The following TIAM1 variants were observed in gnomAD, a reference collection of about 807,000 sequenced individuals.
TIAM1 encodes rho guanine nucleotide exchange factor TIAM1.
In TIAM1, 65 loss-of-function variants were observed where a neutral mutation model predicts 163.5. The ratio of observed to expected loss-of-function variants is 0.40; its 90% CI spans 0.33 to 0.49. The LOEUF is 0.49. Among genes scored for constraint, TIAM1 ranks in the 20% least tolerant of loss-of-function variants. The pLI is 0.77. For missense variants in TIAM1, 1,789 were observed against 2,044.7 expected, an observed-to-expected ratio of 0.87 and a Z score of 2.41; for synonymous variants, 833 against 810.1, an observed-to-expected ratio of 1.03 and a Z score of -0.48.
chr21:31,119,141 T>G lies in TIAM1; in HGVS notation c.*1227A>C, dbSNP rs2146188473. ...AAAAAAAATTGAAAGTGCTATAACT[T>G]GTTTTTCTTCTTAGTATTTGGATAT... On this transcript the variant is annotated 3_prime_UTR_variant, in exon 28 of 28. Transcript: ENST00000541036. 1 of 153,280 alleles carries G rather than the reference T, an allele frequency of 6.5e-6. No homozygotes were observed. The highest frequency in any genetic ancestry group is 1.9e-4 in the East Asian group (1 of 5,180). The allele number at this position is 153,280 out of a possible 1,614,324, so 9.5% of individuals were successfully genotyped here. A position where few individuals can be genotyped will look rare whatever the true frequency, so the allele number is the denominator to read the frequency against.
chr21:31,214,332 AC>A (rs1338844164), intron 9 of TIAM1, among the ~76,000 whole-genome samples: 1 of 152,096 alleles, frequency 6.6e-6, no homozygotes, highest in Non-Finnish European at 1.5e-5. Context: ...CTCAAAAAAA[AC>A]AAAAAAATAA....
intron 2 of TIAM1, among the ~76,000 whole-genome samples, chr21:31,337,518 GTTATTATTATTATTATTA>G (rs55760697): frequency 1.4e-5 from 2 of 147,258 alleles, no homozygotes; most frequent in Admixed American, 6.7e-5. Context: ...TATTATTGTT[GTTATTATTATTATTATTA>G]TTATTATTAT....
At chr21:31,189,566 C>A (rs55808813) in intron 13 of TIAM1, among the ~76,000 whole-genome samples, 24 of 152,106 alleles carry the variant, frequency 1.6e-4, no homozygotes, top group Non-Finnish European at 3.4e-4. Flanking sequence ...TAAGTTCCTT[C>A]TTTGAAGATC....
intron 2 of TIAM1, among the ~76,000 whole-genome samples, chr21:31,328,583 T>C (rs1569227432): frequency 6.6e-6 from 1 of 151,972 alleles, no homozygotes; most frequent in Non-Finnish European, 1.5e-5. Flanking sequence ...GGGATACATG[T>C]GCAGAACGTG....
chr21:31,263,635 G>C (rs2072600928), intron 4 of TIAM1, among the ~76,000 whole-genome samples: 1 of 152,188 alleles, frequency 6.6e-6, no homozygotes, highest in Middle Eastern at 3.4e-3. Context: ...GTATAGGGGA[G>C]AGCCATCCCT....
At chr21:31,521,455 A>T (rs1211526255) in intron 1 of TIAM1, among the ~76,000 whole-genome samples, 1 of 152,154 alleles carries the variant, frequency 6.6e-6, no homozygotes, top group African/African-American at 2.4e-5. Flanking sequence ...GAGTCTCTTA[A>T]AAAGTTAAAA....
intron 16 of TIAM1, among the ~76,000 whole-genome samples, chr21:31,154,690 C>A (rs1325935723): frequency 1.3e-5 from 2 of 152,150 alleles, no homozygotes; most frequent in Non-Finnish European, 2.9e-5. Context: ...ACGGTAAGGA[C>A]AACGGAAGCC....
rs187697347 is a variant in TIAM1 at position 31,461,797 on chromosome 21, C to T, written c.-369+2186G>A. Among the ~76,000 whole-genome samples the T allele has an allele frequency of 7.9e-5, 12 of 152,268 alleles. No individual in the cohort carries two copies. In the East Asian group the frequency reaches 2.3e-3, roughly 29 times the overall value. ...TTTCCCACCTCAGCCTCCCGGCCAG[C>T]TGGGACCACAGGCATGCGCTACTAT... On this transcript the variant is annotated intron_variant, in intron 2 of 28. Transcript: ENST00000286827.
intron 13 of TIAM1, among the ~76,000 whole-genome samples, chr21:31,192,383 C>A (rs1258140638): frequency 5.9e-5 from 9 of 151,936 alleles, no homozygotes; most frequent in Admixed American, 5.2e-4. Context: ...TTTGGGAGGC[C>A]GAGGTGGGTG....
intron 2 of TIAM1, among the ~76,000 whole-genome samples, chr21:31,294,425 G>A (rs1212422511): frequency 6.6e-6 from 1 of 152,202 alleles, no homozygotes; most frequent in Non-Finnish European, 1.5e-5. Flanking sequence ...CTCCACCACA[G>A]AGCAGGGAGT....
intron 25 of TIAM1, 27 bp downstream of exon 25, chr21:31,130,185 GA>G: frequency 6.3e-7 from 1 of 1,583,804 alleles, no homozygotes; most frequent in Non-Finnish European, 8.7e-7. Context: ...ATATGTGTGT[GA>G]AATACCCAGC....
At chr21:31,128,204 C>CA (rs2082282441) in intron 25 of TIAM1, among the ~76,000 whole-genome samples, 1 of 152,094 alleles carries the variant, frequency 6.6e-6, no homozygotes, top group Non-Finnish European at 1.5e-5. Flanking sequence ...AATCTATCTG[C>CA]AAAAAATTGT....
intron 1 of TIAM1, among the ~76,000 whole-genome samples, chr21:31,475,456 G>C (rs1209772080): frequency 1.3e-5 from 2 of 151,908 alleles, no homozygotes; most frequent in African/African-American, 4.8e-5. Flanking sequence ...ATTGTTGTAA[G>C]AAATGAGACT....
At position 31,266,305 on chromosome 21, in the gene TIAM1, A is replaced by C. The variant is rs748577711; in HGVS notation, c.668T>G (p.Leu223Arg). Residue 223 changes from leucine to arginine, a missense_variant, in exon 4 of 28, where the codon CTC (leucine) becomes CGC (arginine). Coordinates refer to ENST00000541036, the MANE Select transcript of TIAM1 (RefSeq NM_001353694.2). ...GGAATTGGCTCTCTGACAGGTGCTG[A>C]GCTGCCGCGGACTCGCCCGCGTTTC... ...GMETRASPRQ[L>R]STCQRANSLG... The C allele has an allele frequency of 1.9e-6, 3 of 1,614,166 alleles. No individual in the cohort carries two copies. The Admixed American group carries it at 5.0e-5, about 27-fold the overall frequency.
At chr21:31,346,580 C>T (rs1351182139), upstream of TIAM1, among the ~76,000 whole-genome samples, 1 of 152,164 alleles carries the variant, frequency 6.6e-6, no homozygotes, top group East Asian at 1.9e-4. Flanking sequence ...TCGGGGAAGC[C>T]GACATGGTGT....
intron 2 of TIAM1, among the ~76,000 whole-genome samples, chr21:31,396,800 A>AT (rs2077079890): frequency 6.6e-6 from 1 of 151,770 alleles, no homozygotes; most frequent in Non-Finnish European, 1.5e-5. Context: ...AAAATACAAA[A>AT]ATTAGCCGGG....
At chr21:31,339,104 C>A in intron 2 of TIAM1, 139 bp downstream of exon 2, 1 of 371,464 alleles carries the variant, frequency 2.7e-6, no homozygotes, top group Non-Finnish European at 4.8e-6. Context: ...CTCAGCAACC[C>A]TTTAACCACC....
intron 2 of TIAM1, among the ~76,000 whole-genome samples, chr21:31,453,853 T>C (rs182017522): frequency 6.4e-4 from 97 of 152,236 alleles, no homozygotes; most frequent in African/African-American, 2.1e-3. Context: ...TGACCTGGCC[T>C]GCTTGACCTC....
At chr21:31,127,815 G>A (rs1290295450) in intron 25 of TIAM1, among the ~76,000 whole-genome samples, 3 of 152,178 alleles carry the variant, frequency 2.0e-5, no homozygotes, top group African/African-American at 4.8e-5. Flanking sequence ...TGGAGCCAAA[G>A]CCTCCTATGC....
Sources: allele counts gnomAD v4.1 joint callset (sites outside exome capture counted in the v4.1 genomes callset), GRCh38; gene constraint gnomAD v4.1.1; transcripts MANE v1.5; gene names NCBI Gene and HGNC (gene_info 2026-07-23, HGNC 2026-07-21).